Variants in SDK1 observed in about 807,000 individuals in gnomAD.
The protein encoded by SDK1 is protein sidekick-1.
In SDK1, 157 loss-of-function variants were observed where a neutral mutation model predicts 245.5. The observed-to-expected ratio is 0.64, with a 90% CI of 0.56 to 0.73. The LOEUF (loss-of-function observed/expected upper bound fraction) is 0.73, where lower values mean the gene tolerates loss of function less well. Among genes scored for constraint, SDK1 ranks in the 30% least tolerant of loss-of-function variants. The pLI, the probability that SDK1 is intolerant of heterozygous loss-of-function variation, is 0.00. For synonymous variants in SDK1, 1,647 were observed against 1,278.5 expected, an observed-to-expected ratio of 1.29 and a Z score of -6.15; for missense variants, 3,583 against 3,002.3, an observed-to-expected ratio of 1.19 and a Z score of -4.52.
intron 1 of SDK1, among the ~76,000 whole-genome samples, chr7:3,414,723 C>T (rs565944254): frequency 1.1e-3 from 162 of 152,304 alleles, no homozygotes; most frequent in Non-Finnish European, 2.0e-3. Flanking sequence ...AGCAACCCTG[C>T]GCTCACTAGC....
At chr7:3,707,758 T>A (rs1443753943) in intron 4 of SDK1, among the ~76,000 whole-genome samples, 1 of 152,210 alleles carries the variant, frequency 6.6e-6, no homozygotes, top group Non-Finnish European at 1.5e-5. Flanking sequence ...AACTTAGGAT[T>A]GTAATTCTTC....
At chr7:4,123,239 G>T (rs1274757995) in intron 25 of SDK1, among the ~76,000 whole-genome samples, 1 of 152,182 alleles carries the variant, frequency 6.6e-6, no homozygotes, top group African/African-American at 2.4e-5. Flanking sequence ...AGGGACAGAG[G>T]TTTTAGAACC....
At position 4,214,839 on chromosome 7, in the gene SDK1, C is replaced by T. The variant is rs986798506; in HGVS notation, c.5539+4677C>T. 5.9e-5 allele frequency among the ~76,000 whole-genome samples: 9 copies of T among 152,306 alleles called. 1 individual carries two copies. The highest frequency in any genetic ancestry group is 1.9e-4 in the African/African-American group (8 of 41,578). On this transcript the variant is annotated intron_variant, in intron 38 of 44. Transcript: ENST00000404826. ...GGCTCTGACTAAGCCATGGGGCCCC[C>T]GCCGGGGTCTTTCCCGCCACAACAC...
At chr7:3,658,736 T>C (rs1783265296) in intron 4 of SDK1, among the ~76,000 whole-genome samples, 3 of 150,888 alleles carry the variant, frequency 2.0e-5, no homozygotes, top group East Asian at 2.0e-4. Context: ...TGTCTCAGCC[T>C]CCTGAGTAGC....
At chr7:3,418,180 G>T (rs1779432864) in intron 1 of SDK1, among the ~76,000 whole-genome samples, 1 of 145,010 alleles carries the variant, frequency 6.9e-6, no homozygotes, top group Non-Finnish European at 1.5e-5. Context: ...AGCTGAGCTG[G>T]GTGGTGCGTG....
At chr7:3,657,039 G>T (rs542033357) in intron 4 of SDK1, among the ~76,000 whole-genome samples, 6 of 152,224 alleles carry the variant, frequency 3.9e-5, no homozygotes, top group Middle Eastern at 3.4e-3. Context: ...GAGCCACCGC[G>T]CCCGGCCTTG....
chr7:4,222,399 A>T (rs1000482836), intron 40 of SDK1, among the ~76,000 whole-genome samples: 6 of 152,034 alleles, frequency 3.9e-5, no homozygotes, highest in Admixed American at 1.3e-4. Context: ...GGTTCAAGCA[A>T]TTCTCCTGCC....
chr7:3,830,146 G>T (rs905884549), intron 5 of SDK1, among the ~76,000 whole-genome samples: 2 of 152,106 alleles, frequency 1.3e-5, no homozygotes, highest in Non-Finnish European at 2.9e-5. Context: ...GGCAGATTTT[G>T]CACAGTGAGT....
In SDK1 at chr7:3,940,829, A is replaced by C. The variant is rs921533138; in HGVS notation, c.848-10094A>C. On this transcript the variant is annotated intron_variant, in intron 5 of 44. Transcript: ENST00000404826. ...AAAATAATAATAATAATAGTAAATT[A>C]ATTAAAAAAATAAAGGTCAGTGCTC... Among the ~76,000 whole-genome samples the C allele has an allele frequency of 2.0e-5, 3 of 151,964 alleles. No homozygotes were observed. In the South Asian group the frequency reaches 6.2e-4, roughly 32 times the overall value.
chr7:3,538,096 C>G (rs1055445160), intron 1 of SDK1, among the ~76,000 whole-genome samples: 1 of 152,088 alleles, frequency 6.6e-6, no homozygotes, highest in African/African-American at 2.4e-5. Context: ...TGGCCTTAGT[C>G]CCCACATTAT....
chr7:3,432,430 T>C (rs1779881117), intron 1 of SDK1, among the ~76,000 whole-genome samples: 1 of 152,142 alleles, frequency 6.6e-6, no homozygotes, highest in Non-Finnish European at 1.5e-5. Flanking sequence ...TATTCCTAGA[T>C]GTGAATTCTC....
At chr7:4,192,605 C>A (rs139389297) in intron 35 of SDK1, among the ~76,000 whole-genome samples, 4 of 152,136 alleles carry the variant, frequency 2.6e-5, no homozygotes, top group Non-Finnish European at 5.9e-5. Flanking sequence ...AAGTATGTTC[C>A]GTGTTTTTTC....
intron 1 of SDK1, among the ~76,000 whole-genome samples, chr7:3,420,847 C>T (rs1486156423): frequency 6.6e-6 from 1 of 152,118 alleles, no homozygotes; most frequent in African/African-American, 2.4e-5. Context: ...CACCGATTAA[C>T]CCATCACCAA....
chr7:3,544,794 T>C (rs1427125799), intron 1 of SDK1, among the ~76,000 whole-genome samples: 4 of 152,198 alleles, frequency 2.6e-5, no homozygotes, highest in African/African-American at 9.6e-5. Context: ...GCAAGTTTAT[T>C]TCCTGCTTAG....
chr7:4,101,369 G>A (rs1362264551), intron 22 of SDK1, among the ~76,000 whole-genome samples: 14 of 152,106 alleles, frequency 9.2e-5, no homozygotes, highest in Non-Finnish European at 1.9e-4. Context: ...GGATGGTCTC[G>A]ATCTCCTGAC....
chr7:3,991,402 C>G (rs1283181523), intron 14 of SDK1, among the ~76,000 whole-genome samples: 1 of 152,150 alleles, frequency 6.6e-6, no homozygotes, highest in African/African-American at 2.4e-5. Context: ...TCAGGGCTCC[C>G]TTGCTGTTCT....
intron 1 of SDK1, among the ~76,000 whole-genome samples, chr7:3,538,529 A>C (rs983440442): frequency 6.6e-6 from 1 of 152,170 alleles, no homozygotes; most frequent in Non-Finnish European, 1.5e-5. Context: ...CCTGTCAGCA[A>C]ATTATCCTTA....
intron 4 of SDK1, among the ~76,000 whole-genome samples, chr7:3,749,391 C>A (rs1274894202): frequency 6.6e-6 from 1 of 152,144 alleles, no homozygotes; most frequent in African/African-American, 2.4e-5. Context: ...CCTCTGCCTC[C>A]CAGGTTCAAG....
rs552300161 is a variant in SDK1 at position 3,398,139 on chromosome 7, G to C, written c.298+96255G>C. Reference sequence around the variant, plus strand: ...AACTGTAGGTTTTCTGTAGCTGTAGGTTTTTCTGTAACTGTAGGTTTCACA... The same window carrying C: ...AACTGTAGGTTTTCTGTAGCTGTAGCTTTTTCTGTAACTGTAGGTTTCACA... On this transcript the variant is annotated intron_variant, in intron 1 of 44. Coordinates refer to ENST00000404826, the MANE Select transcript of SDK1 (RefSeq NM_152744.4). Among the ~76,000 whole-genome samples the C allele has an allele frequency of 2.6e-5, 4 of 151,960 alleles. No homozygotes were observed. The East Asian group carries it at 7.7e-4, about 29-fold the overall frequency.
Sources: allele counts gnomAD v4.1 joint callset (sites outside exome capture counted in the v4.1 genomes callset), GRCh38; gene constraint gnomAD v4.1.1; transcripts MANE v1.5; gene names NCBI Gene and HGNC (gene_info 2026-07-23, HGNC 2026-07-21).